The following UGCG variants were observed in gnomAD, a reference collection of about 807,000 sequenced individuals.
UGCG encodes ceramide glucosyltransferase.
UGCG carries 10 observed loss-of-function variants against 49.5 expected under a neutral mutation model. The observed-to-expected ratio is 0.20, with a 90% CI of 0.12 to 0.34. UGCG has a LOEUF of 0.34. Ranked by LOEUF, UGCG falls within the 10% of genes least tolerant of loss-of-function variation. The probability of loss-of-function intolerance (pLI) is 1.00; values close to 1 mark genes in which losing one functional copy is unlikely to be tolerated. For missense variants in UGCG, 312 were observed against 483.7 expected, an observed-to-expected ratio of 0.65 and a Z score of 3.33; for synonymous variants, 182 against 158.2, an observed-to-expected ratio of 1.15 and a Z score of -1.13.
chr9:111,928,465 G>A (rs1838364476), intron 5 of UGCG, among the ~76,000 whole-genome samples: 1 of 152,192 alleles, frequency 6.6e-6, no homozygotes, highest in South Asian at 2.1e-4. Context: ...ATCTCTGGAA[G>A]TCACTCTGCC....
chr9:111,926,394 T>A lies in UGCG; in HGVS notation c.456T>A (p.Asp152Glu), dbSNP rs886128572. The A allele has an allele frequency of 3.1e-6, 5 of 1,606,106 alleles. No individual in the cohort carries two copies. The African/African-American group carries it at 6.7e-5, about 21-fold the overall frequency. ...ICDSGIRVIP[D>E]TLTDMVNQMT... ...TTTTTTAAATTGTAGTAATTCCAGA[T>A]ACGCTTACTGACATGGTGAATCAAA... Residue 152 changes from aspartate (D) to glutamate (E), a missense_variant, in exon 5 of 9, where the codon GAT (aspartate) becomes GAA (glutamate). Physicochemically the swap from Asp to Glu is conservative, Grantham distance 45. Transcript: ENST00000374279.
At chr9:111,919,928 C>T (rs1838190364) in intron 2 of UGCG, among the ~76,000 whole-genome samples, 1 of 152,172 alleles carries the variant, frequency 6.6e-6, no homozygotes, top group African/African-American at 2.4e-5. Flanking sequence ...CACTTAACCT[C>T]TCTAATCATT....
chr9:111,908,649 G>T (rs1837937950), intron 1 of UGCG, among the ~76,000 whole-genome samples: 1 of 152,194 alleles, frequency 6.6e-6, no homozygotes, highest in Non-Finnish European at 1.5e-5. Flanking sequence ...AGGAAGGTAA[G>T]AACTGGATTC....
intron 5 of UGCG, among the ~76,000 whole-genome samples, chr9:111,927,059 T>C (rs964753340): frequency 6.6e-5 from 10 of 151,726 alleles, no homozygotes; most frequent in Admixed American, 6.6e-4. Flanking sequence ...TTAGTAGAAA[T>C]GGGGTTTCAC....
intron 2 of UGCG, chr9:111,915,825 A>G (rs778171598): frequency 1.1e-4 from 108 of 983,634 alleles, no homozygotes; most frequent in Admixed American, 1.8e-4. Context: ...GCCTTAATGC[A>G]GCACTTATTA....
rs1254993939 is a variant in UGCG at position 111,914,476 on chromosome 9, T to A, written c.99-129T>A. The A allele has an allele frequency of 4.3e-6, 4 of 923,080 alleles. No homozygotes were observed. The East Asian group carries it at 1.0e-4, about 24-fold the overall frequency. The allele number at this position is 923,080 out of a possible 1,614,324, so 57.2% of individuals were successfully genotyped here. A position where few individuals can be genotyped will look rare whatever the true frequency, so the allele number is the denominator to read the frequency against. ...TCTACTTCCCTTCATGTTTAGATCCTCTTTTAGAAAGATGTCAAGTTTTAA... is the reference window on the plus strand; with the variant it reads ...TCTACTTCCCTTCATGTTTAGATCCACTTTTAGAAAGATGTCAAGTTTTAA... On this transcript the variant is annotated intron_variant, in intron 1 of 8. Coordinates refer to ENST00000374279, the MANE Select transcript of UGCG (RefSeq NM_003358.3).
At chr9:111,907,547 A>T (rs1837910522) in intron 1 of UGCG, among the ~76,000 whole-genome samples, 1 of 151,532 alleles carries the variant, frequency 6.6e-6, no homozygotes, top group South Asian at 2.1e-4. Context: ...GATACCAGAC[A>T]TTTTGAATTT....
chr9:111,924,173 A>T (rs1347046307), intron 3 of UGCG, among the ~76,000 whole-genome samples: 1 of 152,240 alleles, frequency 6.6e-6, no homozygotes, highest in Non-Finnish European at 1.5e-5. Flanking sequence ...TAGCTTCAAA[A>T]TAACGCCTGT....
chr9:111,913,368 G>T (rs1219586119), intron 1 of UGCG, among the ~76,000 whole-genome samples: 1 of 152,146 alleles, frequency 6.6e-6, no homozygotes, highest in Non-Finnish European at 1.5e-5. Flanking sequence ...CTTCACCACT[G>T]TATTGAATGG....
At chr9:111,929,716 C>T in intron 6 of UGCG, 38 bp downstream of exon 6, 1 of 1,602,522 alleles carries the variant, frequency 6.2e-7, no homozygotes, top group South Asian at 1.1e-5. Context: ...TTTTTATTAC[C>T]TAACTTCTGT....
At chr9:111,920,999 T>C (rs1384030849) in intron 2 of UGCG, among the ~76,000 whole-genome samples, 1 of 151,346 alleles carries the variant, frequency 6.6e-6, no homozygotes. Flanking sequence ...GCCTCCTGGG[T>C]TCAAGTGATT....
chr9:111,932,307 G>A lies in UGCG; in HGVS notation c.962G>A (p.Cys321Tyr), dbSNP rs1203090103. ...FRWDIMVFFM[C>Y]HCLAWFIFDY... ...TGGGATATTATGGTATTTTTCATGT[G>A]TCATTGCCTGGCATGGTTTATATTT... The change falls in exon 8 of 9, where the codon TGT becomes TAT. Residue 321 changes from cysteine to tyrosine, a missense_variant. Coordinates refer to ENST00000374279, the MANE Select transcript of UGCG (RefSeq NM_003358.3). 6.2e-7 allele frequency: 1 copy of A among 1,614,114 alleles called. No individual in the cohort carries two copies. The highest frequency in any genetic ancestry group is 1.3e-5 in the African/African-American group (1 of 75,026).
At position 111,923,502 on chromosome 9, in the gene UGCG, TTAATA is replaced by T. The variant is rs371433077; in HGVS notation, c.343+555_343+559del. On this transcript the variant is annotated intron_variant, in intron 3 of 8. Coordinates refer to ENST00000374279, the MANE Select transcript of UGCG (RefSeq NM_003358.3). ...TTAGCTTAAAATGCAAATTTGAAAA[TTAATA>T]TAAGTGTAGCATGCCTACGAATTAA... Among the ~76,000 whole-genome samples the T allele has an allele frequency of 6.7e-3, 1,023 of 152,310 alleles. 8 individuals carry two copies. Among genetic ancestry groups the T allele is most frequent in the African/African-American group, 0.022 (920 of 41,572 alleles).
chr9:111,932,504 A>G (rs1306198010), intron 8 of UGCG, 145 bp downstream of exon 8: 7 of 880,576 alleles, frequency 7.9e-6, no homozygotes, highest in African/African-American at 5.1e-5. Flanking sequence ...GACTTTCTCT[A>G]GTGGAATGTT....
rs901287231 is a variant in UGCG, at chr9:111,919,342, G to C, written c.241-3507G>C. ...TACTAAAAATACAAAAATTAGCCAG[G>C]TGTGGTGGTGCACACCTATAGTCCC... is the stretch of plus-strand genomic sequence containing the variant. On this transcript the variant is annotated intron_variant, in intron 2 of 8. Transcript: ENST00000374279. 2.6e-5 allele frequency among the ~76,000 whole-genome samples: 4 copies of C among 152,098 alleles called. No homozygotes were observed. The South Asian group carries it at 8.3e-4, about 32-fold the overall frequency.
At position 111,932,322 on chromosome 9, in the gene UGCG, G is replaced by A. The variant is rs1838440747; in HGVS notation, c.977G>A (p.Trp326Ter). ...TTTTTCATGTGTCATTGCCTGGCAT[G>A]GTTTATATTTGACTACATTCAACTC... ...MVFFMCHCLAWFIFDYIQLRG... is the reference protein window; with the variant it reads ...MVFFMCHCLA Residue 326 changes from tryptophan to a stop codon, truncating the protein, a stop_gained, in exon 8 of 9, where the codon TGG becomes TAG. Coordinates refer to ENST00000374279, the MANE Select transcript of UGCG (RefSeq NM_003358.3). LOFTEE classifies it high-confidence loss of function. 1 of 1,614,084 alleles carries A rather than the reference G, an allele frequency of 6.2e-7. No individual in the cohort carries two copies. Among genetic ancestry groups the A allele is most frequent in the African/African-American group, 1.3e-5 (1 of 75,028 alleles).
At chr9:111,905,727 T>A (rs1489641550) in intron 1 of UGCG, among the ~76,000 whole-genome samples, 2 of 152,230 alleles carry the variant, frequency 1.3e-5, no homozygotes, top group Non-Finnish European at 2.9e-5. Flanking sequence ...GTGCTGGGAT[T>A]ACAGGCATGA....
intron 1 of UGCG, among the ~76,000 whole-genome samples, chr9:111,908,314 C>G (rs1036617157): frequency 3.3e-5 from 5 of 152,060 alleles, no homozygotes; most frequent in African/African-American, 1.2e-4. Context: ...TAACGCAACC[C>G]AAAGAGGCCA....
At chr9:111,918,589 A>G (rs551581239) in intron 2 of UGCG, among the ~76,000 whole-genome samples, 7 of 152,346 alleles carry the variant, frequency 4.6e-5, no homozygotes, top group African/African-American at 1.4e-4. Flanking sequence ...CTAATCAGAA[A>G]GTATTTGTTT....
Sources: allele counts gnomAD v4.1 joint callset (sites outside exome capture counted in the v4.1 genomes callset), GRCh38; gene constraint gnomAD v4.1.1; transcripts MANE v1.5; gene names NCBI Gene and HGNC (gene_info 2026-07-23, HGNC 2026-07-21).